Variants in SYNPR observed in about 807,000 individuals in gnomAD.
SYNPR encodes synaptoporin.
Under a neutral mutation model 32.9 loss-of-function variants are expected in SYNPR, and 23 were observed. That is an observed-to-expected ratio of 0.70 (90% confidence interval 0.50 to 0.99). The LOEUF (loss-of-function observed/expected upper bound fraction) is 0.99. Among genes scored for constraint, SYNPR ranks in the 50% least tolerant of loss-of-function variants. The pLI, the probability that SYNPR is intolerant of heterozygous loss-of-function variation, is 0.00. For missense variants in SYNPR, 318 were observed against 349.3 expected (o/e 0.91, Z 0.71); for synonymous variants, 146 against 135.9 (o/e 1.07, Z -0.52).
chr3:63,311,761 G>A (rs2086966315), intron 2 of SYNPR, among the ~76,000 whole-genome samples: 1 of 152,002 alleles, frequency 6.6e-6, no homozygotes, highest in Admixed American at 6.6e-5. Context: ...TAGAAGTATT[G>A]TCATCAAACA....
At chr3:63,396,509 T>A (rs1413403888) in intron 2 of SYNPR, among the ~76,000 whole-genome samples, 2 of 152,192 alleles carry the variant, frequency 1.3e-5, no homozygotes, top group African/African-American at 4.8e-5. Flanking sequence ...ACCTCTTTTT[T>A]AGCCAACATC....
At chr3:63,405,516 A>G (rs1263855415) in intron 2 of SYNPR, among the ~76,000 whole-genome samples, 1 of 152,178 alleles carries the variant, frequency 6.6e-6, no homozygotes, top group Non-Finnish European at 1.5e-5. Context: ...TGTTGAGGCT[A>G]CAGACAGAGA....
intron 3 of SYNPR, among the ~76,000 whole-genome samples, chr3:63,552,315 G>T (rs930986593): frequency 3.3e-5 from 5 of 152,144 alleles, no homozygotes; most frequent in Non-Finnish European, 7.4e-5. Context: ...CAGAATAATT[G>T]ACATGATTAC....
intron 3 of SYNPR, among the ~76,000 whole-genome samples, chr3:63,537,695 A>G (rs930533228): frequency 2.0e-5 from 3 of 152,170 alleles, no homozygotes; most frequent in African/African-American, 4.8e-5. Context: ...AATCACAGAA[A>G]GTGTCTTAGA....
At chr3:63,313,179 A>G (rs1203041233) in intron 2 of SYNPR, among the ~76,000 whole-genome samples, 1 of 151,908 alleles carries the variant, frequency 6.6e-6, no homozygotes, top group African/African-American at 2.4e-5. Context: ...TTCCTAACTC[A>G]AGTGGCCACT....
chr3:63,559,270 AT>A (rs543628470), intron 4 of SYNPR, among the ~76,000 whole-genome samples: 34 of 151,904 alleles, frequency 2.2e-4, no homozygotes, highest in African/African-American at 8.0e-4. Flanking sequence ...TACAGACAGG[AT>A]TTTACCATGT....
chr3:63,595,790 TA>T (rs1699939311), intron 4 of SYNPR, among the ~76,000 whole-genome samples: 1 of 57,088 alleles, frequency 1.8e-5, no homozygotes, highest in African/African-American at 7.8e-5. Flanking sequence ...TATATAGTTA[TA>T]TATATATAGT....
the SYNPR span, among the ~76,000 whole-genome samples, chr3:63,208,929 A>G: frequency 6.6e-6 from 1 of 152,202 alleles, no homozygotes; most frequent in African/African-American, 2.4e-5. Context: ...TTGACTATAG[A>G]AATCTTTTGT....
At chr3:63,408,315 GGAAGGAAAGAAAGAAA>G (rs1305072092) in intron 2 of SYNPR, among the ~76,000 whole-genome samples, 180 of 41,986 alleles carry the variant, frequency 4.3e-3, no homozygotes, top group Non-Finnish European at 5.8e-3. Context: ...AAGGAAGGAA[GGAAGGAAAGAAAGAAA>G]GAAAGAAAGA....
chr3:63,600,817 C>A (rs1700029651), intron 4 of SYNPR, among the ~76,000 whole-genome samples: 1 of 152,182 alleles, frequency 6.6e-6, no homozygotes, highest in Middle Eastern at 3.2e-3. Context: ...GTCCATTTAA[C>A]CTCTTTCCTT....
chr3:63,315,400 T>C (rs1289868665), intron 2 of SYNPR, among the ~76,000 whole-genome samples: 1 of 152,138 alleles, frequency 6.6e-6, no homozygotes, highest in African/African-American at 2.4e-5. Context: ...TTGTGTCATC[T>C]ATCATTTCTT....
chr3:63,588,193 T>C (rs1322067230), intron 4 of SYNPR, among the ~76,000 whole-genome samples: 1 of 152,136 alleles, frequency 6.6e-6, no homozygotes, highest in African/African-American at 2.4e-5. Context: ...TACATACGTC[T>C]TGGAATACAC....
At chr3:63,595,877 TTATA>T (rs1231634133) in intron 4 of SYNPR, among the ~76,000 whole-genome samples, 1 of 78,870 alleles carries the variant, frequency 1.3e-5, no homozygotes, top group Non-Finnish European at 2.6e-5. Context: ...ATATATAATT[TTATA>T]TATATATAGT....
At chr3:63,491,614 G>A (rs565355755) in intron 3 of SYNPR, among the ~76,000 whole-genome samples, 1 of 152,200 alleles carries the variant, frequency 6.6e-6, no homozygotes, top group African/African-American at 2.4e-5. Context: ...TCCACCTCCT[G>A]GGTTCAAGTG....
chr3:63,609,011 T>A (rs1700160700), intron 4 of SYNPR, 114 bp from the exon 5 acceptor site: 1 of 906,064 alleles, frequency 1.1e-6, no homozygotes, highest in Admixed American at 3.1e-5. Flanking sequence ...TTTCCAGTGC[T>A]ATGGGATCTT....
chr3:63,513,151 C>T (rs1179841472), intron 3 of SYNPR, among the ~76,000 whole-genome samples: 1 of 135,282 alleles, frequency 7.4e-6, no homozygotes, highest in Non-Finnish European at 1.6e-5. Context: ...CACATATCCC[C>T]CCCTCCCCCC....
intron 4 of SYNPR, among the ~76,000 whole-genome samples, chr3:63,566,800 T>C (rs1036812142): frequency 1.3e-5 from 2 of 152,180 alleles, no homozygotes; most frequent in Non-Finnish European, 2.9e-5. Flanking sequence ...AGTAAATGGG[T>C]TATTACCCAT....
rs150654033 is a variant in SYNPR, at chr3:63,429,831, G to T, written c.85-51001G>T. 4.6e-5 allele frequency among the ~76,000 whole-genome samples: 7 copies of T among 152,252 alleles called. No homozygotes were observed. The East Asian group carries it at 1.4e-3, about 29-fold the overall frequency. ...CTTCATTGTTTTTGTGCTCTCTCTT[G>T]TTCCCATGGGGCTCTAAGTGTGCCT... On this transcript the variant is annotated intron_variant, in intron 2 of 5. Coordinates refer to ENST00000478300, the MANE Select transcript of SYNPR (RefSeq NM_001130003.2).
chr3:63,252,728 T>A (rs549619234), intron 2 of SYNPR: 1 of 152,184 alleles, frequency 6.6e-6, no homozygotes, highest in African/African-American at 2.4e-5. Context: ...TCACCAGAAT[T>A]TATATATGCA....
Sources: gnomAD v4.1 joint callset for allele counts (sites outside exome capture counted in the v4.1 genomes callset) on GRCh38, gnomAD v4.1.1 for gene constraint, MANE v1.5 for transcripts, NCBI Gene and HGNC (gene_info 2026-07-23, HGNC 2026-07-21) for gene names.